Variants in TMEM45B observed in about 807,000 individuals in gnomAD.
The protein encoded by TMEM45B is transmembrane protein 45B.
A neutral mutation model predicts 27.3 loss-of-function variants in TMEM45B; 29 were observed. That is an observed-to-expected ratio of 1.06 (90% CI 0.79 to 1.45). The LOEUF (loss-of-function observed/expected upper bound fraction) is 1.45. Ranked by LOEUF, TMEM45B falls within the 40% of genes most tolerant of loss-of-function variation. TMEM45B has a pLI of 0.00. For missense variants in TMEM45B, 348 were observed against 343.9 expected (o/e 1.01, Z -0.09); for synonymous variants, 143 against 134.7 (o/e 1.06, Z -0.43).
chr11:129,827,988 A>G (rs187954320), intron 1 of TMEM45B, among the ~76,000 whole-genome samples: 434 of 151,214 alleles, frequency 2.9e-3, no homozygotes, highest in African/African-American at 0.01. Context: ...GAAACAAAAA[A>G]GTATTATAAT....
At chr11:129,852,835 A>C (rs569627408) in intron 2 of TMEM45B, 175 bp downstream of exon 2, 508 of 548,674 alleles carry the variant, frequency 9.3e-4, no homozygotes, top group Non-Finnish European at 1.3e-3. Context: ...GAGCTTTATA[A>C]TACTAACGGT....
intron 1 of TMEM45B, among the ~76,000 whole-genome samples, chr11:129,834,583 T>C (rs995472211): frequency 1.7e-4 from 25 of 149,816 alleles, no homozygotes; most frequent in African/African-American, 6.1e-4. Flanking sequence ...GGCCAAGACA[T>C]GTGGATCACC....
At position 129,858,247 on chromosome 11, in the gene TMEM45B, G is replaced by C. The variant is rs183620097; in HGVS notation, c.717-327G>C. On this transcript the variant is annotated intron_variant, in intron 5 of 5. Transcript: ENST00000281441. ...TGGTGCAAAAGTAACGGTGATTTTT[G>C]CCATTATTTCATCCAGAAAGAGTTC... 6.8e-4 allele frequency among the ~76,000 whole-genome samples: 103 copies of C among 152,220 alleles called. 1 individual carries two copies. Among genetic ancestry groups the C allele is most frequent in the African/African-American group, 2.4e-3 (99 of 41,526 alleles).
At chr11:129,828,643 A>T (rs1947514526) in intron 1 of TMEM45B, among the ~76,000 whole-genome samples, 1 of 152,248 alleles carries the variant, frequency 6.6e-6, no homozygotes, top group Non-Finnish European at 1.5e-5. Flanking sequence ...TGAGTCAGGT[A>T]GGTTTGGCTG....
At chr11:129,829,908 C>T (rs182575532) in intron 1 of TMEM45B, among the ~76,000 whole-genome samples, 1 of 152,182 alleles carries the variant, frequency 6.6e-6, no homozygotes, top group Non-Finnish European at 1.5e-5. Flanking sequence ...GAAAGATAGA[C>T]AAGATGCCAA....
chr11:129,830,915 C>T (rs11221869), intron 1 of TMEM45B, among the ~76,000 whole-genome samples: 22,856 of 152,122 alleles, frequency 0.15, 1,874 homozygotes, highest in South Asian at 0.27. Context: ...CATAGAGTTA[C>T]CATCTGACCA....
intron 1 of TMEM45B, among the ~76,000 whole-genome samples, chr11:129,840,743 G>A (rs974263183): frequency 6.6e-6 from 1 of 151,416 alleles, no homozygotes; most frequent in African/African-American, 2.4e-5. Flanking sequence ...AAATTAGCTG[G>A]GCGTGGTGGT....
intron 1 of TMEM45B, among the ~76,000 whole-genome samples, chr11:129,849,918 C>G (rs1230952941): frequency 6.6e-6 from 1 of 152,090 alleles, no homozygotes; most frequent in East Asian, 1.9e-4. Flanking sequence ...GCTTTGGAGT[C>G]ATTTTCCGAA....
intron 1 of TMEM45B, among the ~76,000 whole-genome samples, chr11:129,833,148 G>C (rs1421562261): frequency 6.6e-6 from 1 of 151,976 alleles, no homozygotes; most frequent in African/African-American, 2.4e-5. Context: ...GCTGAGGCTG[G>C]AGAGTTGCTT....
intron 1 of TMEM45B, 43 bp downstream of exon 1, chr11:129,815,941 G>A (rs1267110007): frequency 6.3e-6 from 8 of 1,267,000 alleles, no homozygotes; most frequent in Admixed American, 8.4e-5. Context: ...CTGGAGGAGG[G>A]CTCGAAGGGA....
intron 1 of TMEM45B, among the ~76,000 whole-genome samples, chr11:129,840,962 A>AAAAAAAAAGG (rs1947683189): frequency 6.7e-6 from 1 of 149,952 alleles, no homozygotes; most frequent in Non-Finnish European, 1.5e-5. Flanking sequence ...AAAAAAAAAA[A>AAAAAAAAAGG]AAAAAAAAGC....
intron 1 of TMEM45B, among the ~76,000 whole-genome samples, chr11:129,848,875 C>A (rs1236179146): frequency 6.6e-6 from 1 of 152,180 alleles, no homozygotes; most frequent in Non-Finnish European, 1.5e-5. Context: ...AGGGAAGCAA[C>A]TCCCTCCATT....
chr11:129,832,712 T>A (rs1403551147), intron 1 of TMEM45B, among the ~76,000 whole-genome samples: 1 of 152,164 alleles, frequency 6.6e-6, no homozygotes, highest in Non-Finnish European at 1.5e-5. Context: ...CTTAAAAGGG[T>A]AAATTTTACG....
intron 1 of TMEM45B, among the ~76,000 whole-genome samples, chr11:129,833,942 T>C (rs1323508159): frequency 6.6e-6 from 1 of 152,220 alleles, no homozygotes; most frequent in Non-Finnish European, 1.5e-5. Context: ...AGAAGATAAA[T>C]GGCTGTGGTT....
intron 1 of TMEM45B, among the ~76,000 whole-genome samples, chr11:129,827,830 C>T (rs902173734): frequency 3.3e-5 from 5 of 151,904 alleles, no homozygotes; most frequent in African/African-American, 4.8e-5. Context: ...ATTAGCCGAG[C>T]GTGGTGGTGC....
intron 2 of TMEM45B, among the ~76,000 whole-genome samples, chr11:129,853,817 G>T (rs1485442591): frequency 6.6e-6 from 1 of 152,190 alleles, no homozygotes; most frequent in East Asian, 1.9e-4. Flanking sequence ...TGAGAAACAA[G>T]TATCTGGGAA....
intron 1 of TMEM45B, among the ~76,000 whole-genome samples, chr11:129,818,147 G>A (rs1004860760): frequency 6.6e-6 from 1 of 152,148 alleles, no homozygotes; most frequent in East Asian, 1.9e-4. Flanking sequence ...CTTTTAACCA[G>A]CTACCCCTCT....
At chr11:129,855,339 T>G (rs1591453497) in intron 3 of TMEM45B, among the ~76,000 whole-genome samples, 1 of 152,026 alleles carries the variant, frequency 6.6e-6, no homozygotes, top group South Asian at 2.1e-4. Context: ...CTGACTGGGG[T>G]ATGAAAATAC....
At chr11:129,852,842 C>T (rs1053816909) in intron 2 of TMEM45B, 182 bp downstream of exon 2, 3 of 506,992 alleles carry the variant, frequency 5.9e-6, no homozygotes, top group African/African-American at 3.9e-5. Flanking sequence ...ATAATACTAA[C>T]GGTTGACAGC....
Sources: allele counts gnomAD v4.1 joint callset (sites outside exome capture counted in the v4.1 genomes callset), GRCh38; gene constraint gnomAD v4.1.1; transcripts MANE v1.5; gene names NCBI Gene and HGNC (gene_info 2026-07-23, HGNC 2026-07-21).